Variants in IQCJ observed in about 807,000 individuals in gnomAD.
The protein encoded by IQCJ is IQ motif containing J.
Under a neutral mutation model 11.0 loss-of-function variants are expected in IQCJ, and 9 were observed. The ratio of observed to expected loss-of-function variants is 0.82; its 90% CI spans 0.49 to 1.43. The LOEUF is 1.43. Among genes scored for constraint, IQCJ ranks in the 40% most tolerant of loss-of-function variants. The probability of loss-of-function intolerance (pLI) is 0.00; values close to 1 mark genes in which losing one functional copy is unlikely to be tolerated. For synonymous variants in IQCJ, 55 were observed against 51.3 expected (o/e 1.07, Z -0.31); for missense variants, 146 against 133.2 (o/e 1.10, Z -0.47).
intron 1 of IQCJ, among the ~76,000 whole-genome samples, chr3:159,165,677 G>A (rs1232767077): frequency 6.7e-6 from 1 of 150,268 alleles, no homozygotes; most frequent in South Asian, 2.1e-4. Flanking sequence ...GCAGTGGCTC[G>A]ACCTCGGCTC....
At chr3:159,119,240 A>T (rs901643836) in intron 1 of IQCJ, among the ~76,000 whole-genome samples, 26 of 152,232 alleles carry the variant, frequency 1.7e-4, no homozygotes, top group African/African-American at 6.3e-4. Flanking sequence ...ATAATCAATT[A>T]GCCTAGGAGG....
At chr3:159,251,660 G>A (rs561862172) in intron 2 of IQCJ, among the ~76,000 whole-genome samples, 13 of 151,916 alleles carry the variant, frequency 8.6e-5, no homozygotes, top group Non-Finnish European at 1.6e-4. Flanking sequence ...ACATGCACAA[G>A]TACTGAATTG....
At chr3:159,223,648 T>A (rs1012544169) in intron 1 of IQCJ, among the ~76,000 whole-genome samples, 14 of 152,154 alleles carry the variant, frequency 9.2e-5, no homozygotes, top group Admixed American at 8.5e-4. Context: ...CCATATATGT[T>A]CCAGCTCTGT....
chr3:159,088,930 A>G (rs1717016093), intron 1 of IQCJ, among the ~76,000 whole-genome samples: 1 of 151,582 alleles, frequency 6.6e-6, no homozygotes, highest in Non-Finnish European at 1.5e-5. Flanking sequence ...TTTAAAGTTA[A>G]TATTGTTATG....
chr3:159,241,935 TAGAG>T (rs1442254791), intron 1 of IQCJ, among the ~76,000 whole-genome samples: 1 of 152,204 alleles, frequency 6.6e-6, no homozygotes, highest in Non-Finnish European at 1.5e-5. Flanking sequence ...GGTGACATTT[TAGAG>T]AGTTCAATCA....
At chr3:159,234,526 C>A (rs1449022) in intron 1 of IQCJ, among the ~76,000 whole-genome samples, 109,297 of 152,052 alleles carry the variant, frequency 0.72, 39,896 homozygotes, top group African/African-American at 0.8. Context: ...GAGATGGGCC[C>A]GGCACGGTGA....
intron 1 of IQCJ, among the ~76,000 whole-genome samples, chr3:159,192,344 A>C (rs762797336): frequency 6.6e-6 from 1 of 152,172 alleles, no homozygotes; most frequent in Non-Finnish European, 1.5e-5. Flanking sequence ...ATTACATACA[A>C]AACTTGTATC....
At chr3:159,203,626 C>T (rs1316053152) in intron 1 of IQCJ, among the ~76,000 whole-genome samples, 1 of 151,980 alleles carries the variant, frequency 6.6e-6, no homozygotes, top group Non-Finnish European at 1.5e-5. Context: ...AAGAGAAAGA[C>T]AGGGGAGGAG....
intron 1 of IQCJ, among the ~76,000 whole-genome samples, chr3:159,070,274 C>T (rs1307655755): frequency 6.6e-6 from 1 of 151,974 alleles, no homozygotes; most frequent in African/African-American, 2.4e-5. Flanking sequence ...GTGTTGGGTG[C>T]TAGATTCTAA....
chr3:159,241,416 AAAAATAAAAT>A (rs200258526), intron 1 of IQCJ, among the ~76,000 whole-genome samples: 1 of 152,018 alleles, frequency 6.6e-6, no homozygotes, highest in African/African-American at 2.4e-5. Context: ...CTCAAAAAAT[AAAAATAAAAT>A]AAAATAAAAT....
intron 1 of IQCJ, among the ~76,000 whole-genome samples, chr3:159,155,953 T>C (rs780611065): frequency 6.6e-6 from 1 of 152,220 alleles, no homozygotes; most frequent in Non-Finnish European, 1.5e-5. Context: ...TCTGAGGTAG[T>C]GAAATTTGGC....
At chr3:159,080,206 A>C (rs1423448753) in intron 1 of IQCJ, among the ~76,000 whole-genome samples, 1 of 152,164 alleles carries the variant, frequency 6.6e-6, no homozygotes, top group African/African-American at 2.4e-5. Context: ...TCAGTAGAAT[A>C]AACTTTGCTT....
intron 1 of IQCJ, among the ~76,000 whole-genome samples, chr3:159,071,456 A>G (rs571466324): frequency 1.5e-4 from 23 of 152,146 alleles, no homozygotes; most frequent in African/African-American, 5.5e-4. Context: ...AATTGAATGA[A>G]TAGGATGGCT....
chr3:159,090,341 G>A lies in IQCJ; in HGVS notation c.9+20900G>A, dbSNP rs1474027418. On this transcript the variant is annotated intron_variant, in intron 1 of 3. Coordinates refer to ENST00000397832, the MANE Select transcript of IQCJ (RefSeq NM_001042706.3). Reference sequence around the variant, plus strand: ...CACTGCTCTCTTCAAAGCTCAGATGGAAATGCAGAAATCACCCGTCTTCTG... The same window carrying A: ...CACTGCTCTCTTCAAAGCTCAGATGAAAATGCAGAAATCACCCGTCTTCTG... Among the ~76,000 whole-genome samples the A allele has an allele frequency of 2.6e-5, 4 of 151,920 alleles. No individual in the cohort carries two copies. In the East Asian group the frequency reaches 7.7e-4, roughly 29 times the overall value.
intron 1 of IQCJ, among the ~76,000 whole-genome samples, chr3:159,217,676 C>T (rs1023419347): frequency 6.6e-6 from 1 of 152,142 alleles, no homozygotes; most frequent in South Asian, 2.1e-4. Context: ...ACTGCCAAGA[C>T]ATTCTTGTCC....
chr3:159,203,997 G>A (rs1294213634), intron 1 of IQCJ, among the ~76,000 whole-genome samples: 1 of 152,106 alleles, frequency 6.6e-6, no homozygotes, highest in Admixed American at 6.5e-5. Flanking sequence ...TGATCAGAAG[G>A]TCATGGCTCT....
intron 2 of IQCJ, 23 bp downstream of exon 2, chr3:159,245,930 A>C: frequency 6.7e-7 from 1 of 1,492,486 alleles, no homozygotes; most frequent in Non-Finnish European, 9.1e-7. Flanking sequence ...TATTAAGTTA[A>C]ATCATCTGCA....
At chr3:159,217,543 C>T (rs116713371) in intron 1 of IQCJ, among the ~76,000 whole-genome samples, 2 of 152,032 alleles carry the variant, frequency 1.3e-5, no homozygotes, top group Non-Finnish European at 2.9e-5. Context: ...GTATTGTACT[C>T]AAAACAAAAT....
intron 1 of IQCJ, among the ~76,000 whole-genome samples, chr3:159,138,863 G>C (rs900881307): frequency 6.6e-6 from 1 of 152,164 alleles, no homozygotes; most frequent in Admixed American, 6.5e-5. Flanking sequence ...TATTTGTGGA[G>C]CTCTGTAATG....
Sources: gnomAD v4.1 joint callset for allele counts (sites outside exome capture counted in the v4.1 genomes callset) on GRCh38, gnomAD v4.1.1 for gene constraint, MANE v1.5 for transcripts, NCBI Gene and HGNC (gene_info 2026-07-23, HGNC 2026-07-21) for gene names.